Variants in NPAS3 observed in about 807,000 individuals in gnomAD.
NPAS3 encodes the protein neuronal PAS domain-containing protein 3.
NPAS3 carries 14 observed loss-of-function variants against 73.1 expected under a neutral mutation model. That is an observed-to-expected ratio of 0.19 (90% CI 0.13 to 0.30). NPAS3 has a LOEUF of 0.30. Among genes scored for constraint, NPAS3 ranks in the 10% least tolerant of loss-of-function variants. The pLI is 1.00. For missense variants in NPAS3, 1,096 were observed against 1,250.0 expected, an observed-to-expected ratio of 0.88 and a Z score of 1.86; for synonymous variants, 620 against 541.5, an observed-to-expected ratio of 1.14 and a Z score of -2.01.
intron 5 of NPAS3, among the ~76,000 whole-genome samples, chr14:33,657,252 T>G (rs1446405682): frequency 1.3e-5 from 2 of 152,188 alleles, no homozygotes; most frequent in African/African-American, 2.4e-5. Context: ...GTCTTTAGTC[T>G]GACATACAAA....
intron 10 of NPAS3, among the ~76,000 whole-genome samples, chr14:33,796,637 A>G (rs890448892): frequency 6.6e-6 from 1 of 152,198 alleles, no homozygotes; most frequent in African/African-American, 2.4e-5. Flanking sequence ...CCTTCAGATT[A>G]CAGGAGCCTA....
intron 5 of NPAS3, among the ~76,000 whole-genome samples, chr14:33,569,029 A>G (rs981715464): frequency 2.0e-5 from 3 of 152,204 alleles, no homozygotes; most frequent in Admixed American, 6.5e-5. Flanking sequence ...ATATATGTTT[A>G]TAAATGCATA....
rs58411120 is a variant in NPAS3 at position 33,328,446 on chromosome 14, C to CTTTTTTTTTTTTTTTTTTTTTTTTTTT, written c.386-38728_386-38702dup. ...TTTATCTTTCTTTTCCTTTTCTTTT[C>CTTTTTTTTTTTTTTTTTTTTTTTTTTT]TTTTTTTTTTTTTTTTTTTTTTTTT... On this transcript the variant is annotated intron_variant, in intron 3 of 11. Transcript: ENST00000356141. 6.1e-5 allele frequency among the ~76,000 whole-genome samples: 3 copies of CTTTTTTTTTTTTTTTTTTTTTTTTTTT among 49,584 alleles called. 1 individual carries two copies. The highest frequency in any genetic ancestry group is 1.1e-4 in the Non-Finnish European group (3 of 26,758). 32.5% of individuals were successfully genotyped at this position (49,584 alleles called of 152,430 possible). A position where few individuals can be genotyped will look rare whatever the true frequency, so the allele number is the denominator to read the frequency against.
At chr14:33,335,033 TGTGTGTGTGC>T (rs1366706719) in intron 3 of NPAS3, among the ~76,000 whole-genome samples, 21 of 54,368 alleles carry the variant, frequency 3.9e-4, no homozygotes, top group African/African-American at 1.8e-3. Flanking sequence ...TATTCCATTG[TGTGTGTGTGC>T]GTGTGTGTGT....
At chr14:33,656,678 A>T (rs2059154194) in intron 5 of NPAS3, among the ~76,000 whole-genome samples, 1 of 152,184 alleles carries the variant, frequency 6.6e-6, no homozygotes, top group Non-Finnish European at 1.5e-5. Flanking sequence ...GTCCAGCTAG[A>T]GTTTACATCT....
chr14:33,374,499 A>T (rs1407516036), intron 4 of NPAS3, among the ~76,000 whole-genome samples: 1 of 152,110 alleles, frequency 6.6e-6, no homozygotes, highest in Admixed American at 6.6e-5. Context: ...TTTTAAAAAA[A>T]AATCAGGTTG....
intron 2 of NPAS3, among the ~76,000 whole-genome samples, chr14:33,186,226 C>G (rs139635236): frequency 6.6e-6 from 1 of 152,146 alleles, no homozygotes; most frequent in Non-Finnish European, 1.5e-5. Flanking sequence ...TTAACTCTAT[C>G]TCTGCAGTAT....
intron 6 of NPAS3, among the ~76,000 whole-genome samples, chr14:33,677,909 A>G (rs906912484): frequency 1.3e-5 from 2 of 152,242 alleles, no homozygotes; most frequent in Non-Finnish European, 2.9e-5. Flanking sequence ...TTTTTTAGTC[A>G]ATAGAATGTT....
intron 1 of NPAS3, among the ~76,000 whole-genome samples, chr14:32,987,711 T>A (rs2038154529): frequency 6.6e-6 from 1 of 152,206 alleles, no homozygotes; most frequent in Non-Finnish European, 1.5e-5. Flanking sequence ...GTGTAAATTT[T>A]AAAGACCAAA....
intron 2 of NPAS3, among the ~76,000 whole-genome samples, chr14:33,084,389 A>C (rs1185018631): frequency 2.6e-5 from 4 of 152,214 alleles, no homozygotes; most frequent in Non-Finnish European, 4.4e-5. Flanking sequence ...AGGTCAGTGC[A>C]AAGGAAGGCT....
chr14:33,377,501 T>A (rs963141638), intron 4 of NPAS3, among the ~76,000 whole-genome samples: 1 of 152,242 alleles, frequency 6.6e-6, no homozygotes, highest in Non-Finnish European at 1.5e-5. Context: ...ACGAAATCCA[T>A]CATCTGCCAG....
At chr14:33,654,585 G>C (rs530670522) in intron 5 of NPAS3, among the ~76,000 whole-genome samples, 1 of 152,028 alleles carries the variant, frequency 6.6e-6, no homozygotes, top group Admixed American at 6.6e-5. Flanking sequence ...TAATAAAAGG[G>C]CATTTAACCT....
chr14:33,236,618 T>C (rs1377459042), intron 3 of NPAS3, among the ~76,000 whole-genome samples: 1 of 152,108 alleles, frequency 6.6e-6, no homozygotes. Context: ...TGTTAGTGCA[T>C]TTTCTCAAGG....
chr14:33,751,460 A>G (rs574836122), intron 7 of NPAS3, among the ~76,000 whole-genome samples: 25 of 151,790 alleles, frequency 1.6e-4, no homozygotes, highest in African/African-American at 6.0e-4. Flanking sequence ...AACTCAAGGG[A>G]AAAAAAACTA....
intron 6 of NPAS3, among the ~76,000 whole-genome samples, chr14:33,702,583 T>C (rs1028236927): frequency 2.0e-5 from 3 of 152,220 alleles, no homozygotes; most frequent in African/African-American, 4.8e-5. Flanking sequence ...GACATGACTT[T>C]TCTATGTATA....
At chr14:33,666,502 C>T (rs1159273617) in intron 5 of NPAS3, among the ~76,000 whole-genome samples, 1 of 152,196 alleles carries the variant, frequency 6.6e-6, no homozygotes, top group Non-Finnish European at 1.5e-5. Flanking sequence ...AATGTTGGCC[C>T]CTACCCCAGA....
intron 3 of NPAS3, among the ~76,000 whole-genome samples, chr14:33,341,977 C>G (rs952549463): frequency 6.6e-6 from 1 of 152,144 alleles, no homozygotes; most frequent in African/African-American, 2.4e-5. Flanking sequence ...GTCTTGTATG[C>G]CATTCCGTAC....
At chr14:33,226,906 G>A (rs1328978544) in intron 3 of NPAS3, among the ~76,000 whole-genome samples, 3 of 151,970 alleles carry the variant, frequency 2.0e-5, no homozygotes, top group South Asian at 2.1e-4. Flanking sequence ...ACACAGTTTG[G>A]GTTTTATATA....
intron 5 of NPAS3, among the ~76,000 whole-genome samples, chr14:33,654,830 A>G (rs1249789827): frequency 6.6e-6 from 1 of 152,306 alleles, no homozygotes; most frequent in Middle Eastern, 3.4e-3. Flanking sequence ...TGCCAGGTGT[A>G]TCTATTGCAA....
Sources: gnomAD v4.1 joint callset for allele counts (sites outside exome capture counted in the v4.1 genomes callset) on GRCh38, gnomAD v4.1.1 for gene constraint, MANE v1.5 for transcripts, NCBI Gene and HGNC (gene_info 2026-07-23, HGNC 2026-07-21) for gene names.